Variants in NOMO1 observed in about 807,000 individuals in gnomAD.
NOMO1 encodes the protein nodal modulator 3.
In NOMO1, 40 loss-of-function variants were observed where a neutral mutation model predicts 133.8. The ratio of observed to expected loss-of-function variants is 0.30; its 90% confidence interval spans 0.23 to 0.39. NOMO1 has a LOEUF of 0.39. Ranked by LOEUF, NOMO1 falls within the 10% of genes least tolerant of loss-of-function variation. The pLI is 1.00. For missense variants in NOMO1, 462 were observed against 1,419.9 expected (o/e 0.33, Z 10.84); for synonymous variants, 236 against 570.5 (o/e 0.41, Z 8.36).
intron 1 of NOMO1, among the ~76,000 whole-genome samples, chr16:14,835,200 T>TA (rs1487450463): frequency 1.4e-5 from 2 of 146,480 alleles, no homozygotes; most frequent in African/African-American, 5.1e-5. Context: ...ACCCAGCAGA[T>TA]ACATTTCTTT....
intron 29 of NOMO1, among the ~76,000 whole-genome samples, chr16:14,892,276 A>G (rs956362877): frequency 4.0e-5 from 6 of 151,690 alleles, no homozygotes; most frequent in Non-Finnish European, 7.4e-5. Context: ...AAAGATAAGC[A>G]TATACAAGAA....
At chr16:14,846,487 G>A in intron 4 of NOMO1, 90 bp from the exon 5 acceptor site, 1 of 565,740 alleles carries the variant, frequency 1.8e-6, no homozygotes, top group African/African-American at 2.2e-5. Flanking sequence ...AGGGTTCCTG[G>A]GCTCCACCTG....
At chr16:14,885,155 C>A (rs1964305193) in intron 27 of NOMO1, among the ~76,000 whole-genome samples, 1 of 152,110 alleles carries the variant, frequency 6.6e-6, no homozygotes, top group Non-Finnish European at 1.5e-5. Flanking sequence ...CCCCAAAGAT[C>A]CGATCATCTC....
intron 17 of NOMO1, 96 bp from the exon 18 acceptor site, chr16:14,872,138 G>T (rs1964090064): frequency 1.6e-6 from 2 of 1,271,770 alleles, no homozygotes; most frequent in Non-Finnish European, 2.3e-6. Flanking sequence ...ATTTTCTGTA[G>T]TATATTTAGG....
chr16:14,873,720 G>T (rs370162516), intron 18 of NOMO1, among the ~76,000 whole-genome samples: 1 of 151,814 alleles, frequency 6.6e-6, no homozygotes, highest in Non-Finnish European at 1.5e-5. Flanking sequence ...TCACAAGGGT[G>T]TTTGTGTTGC....
In NOMO1 at chr16:14,850,767, C is replaced by T. The variant is rs1416244842; in HGVS notation, c.583-1663C>T. On this transcript the variant is annotated intron_variant, in intron 6 of 30. Transcript: ENST00000287667. ...GACTTTTGGTTTTGGGGGTTTTTCT[C>T]TTCTGCAGCAACATTTAAAAATATT... is the stretch of plus-strand genomic sequence containing the variant. Among the ~76,000 whole-genome samples the T allele has an allele frequency of 2.0e-5, 3 of 151,964 alleles. No homozygotes were observed. In the East Asian group the frequency reaches 5.8e-4, roughly 29 times the overall value.
At chr16:14,869,059 C>T (rs1964045032) in intron 16 of NOMO1, among the ~76,000 whole-genome samples, 2 of 152,030 alleles carry the variant, frequency 1.3e-5, no homozygotes, top group Non-Finnish European at 2.9e-5. Flanking sequence ...CTGCCTCAGC[C>T]TCTCGAGTAG....
chr16:14,887,165 G>C (rs558708627), intron 28 of NOMO1, among the ~76,000 whole-genome samples: 1 of 152,070 alleles, frequency 6.6e-6, no homozygotes, highest in Non-Finnish European at 1.5e-5. Flanking sequence ...GCACGTGTGC[G>C]CATGCATGTA....
intron 1 of NOMO1, among the ~76,000 whole-genome samples, chr16:14,836,212 C>T (rs1011632434): frequency 6.6e-6 from 1 of 152,016 alleles, no homozygotes; most frequent in Non-Finnish European, 1.5e-5. Flanking sequence ...CAGTCCCTGC[C>T]TTAAATGCAT....
intron 1 of NOMO1, among the ~76,000 whole-genome samples, chr16:14,836,941 A>G (rs1369206521): frequency 6.6e-6 from 1 of 150,818 alleles, no homozygotes; most frequent in Non-Finnish European, 1.5e-5. Flanking sequence ...TCCTGACCTC[A>G]TGATCCACCC....
chr16:14,889,244 C>A (rs111277484), intron 29 of NOMO1, 29 bp downstream of exon 29: 5 of 1,611,474 alleles, frequency 3.1e-6, no homozygotes, highest in East Asian at 2.2e-5. Flanking sequence ...TAAAAAAAAA[C>A]CCATGGGCTG....
chr16:14,876,862 GGGTACAGTGT>G, intron 22 of NOMO1, 72 bp downstream of exon 22: 1 of 1,575,230 alleles, frequency 6.3e-7, no homozygotes, highest in Non-Finnish European at 8.6e-7. Flanking sequence ...TGCACAAAAA[GGGTACAGTGT>G]GGTAGTCTTG....
chr16:14,845,888 C>T (rs904780110), intron 4 of NOMO1, among the ~76,000 whole-genome samples: 25 of 151,588 alleles, frequency 1.6e-4, no homozygotes, highest in African/African-American at 4.8e-4. Flanking sequence ...AGTGCAGTAG[C>T]GCAGTCTCTC....
intron 12 of NOMO1, among the ~76,000 whole-genome samples, chr16:14,863,645 G>A (rs1363119439): frequency 2.6e-5 from 2 of 77,380 alleles, no homozygotes; most frequent in African/African-American, 1.1e-4. Flanking sequence ...ACGGGGAGAC[G>A]GTCTGGCCTG....
intron 22 of NOMO1, 130 bp from the exon 23 acceptor site, chr16:14,878,591 T>A: frequency 1.3e-6 from 1 of 770,722 alleles, no homozygotes; most frequent in Non-Finnish European, 2.1e-6. Flanking sequence ...GAAGATTAGG[T>A]CCCCTGTCCT....
intron 20 of NOMO1, among the ~76,000 whole-genome samples, chr16:14,875,677 C>A (rs2151006443): frequency 6.6e-6 from 1 of 152,072 alleles, no homozygotes; most frequent in East Asian, 1.9e-4. Flanking sequence ...ATAAAAGTAA[C>A]TTTTGCTGTT....
intron 4 of NOMO1, among the ~76,000 whole-genome samples, chr16:14,845,787 T>C (rs1317981958): frequency 6.6e-6 from 1 of 151,482 alleles, no homozygotes; most frequent in African/African-American, 2.4e-5. Context: ...TCTTTATCGA[T>C]GGTTTGCAAA....
At chr16:14,839,496 C>T (rs961061368) in intron 2 of NOMO1, among the ~76,000 whole-genome samples, 4 of 151,932 alleles carry the variant, frequency 2.6e-5, no homozygotes, top group African/African-American at 7.3e-5. Context: ...ACAAACACCT[C>T]TATACAATCC....
At position 14,866,610 on chromosome 16, in the gene NOMO1, G is replaced by A. The variant is rs1567543068; in HGVS notation, c.1725G>A (p.Val575=). Residue 575 remains valine, a synonymous_variant, in exon 15 of 31, where the codon GTG becomes GTA. Coordinates refer to ENST00000287667, the MANE Select transcript of NOMO1 (RefSeq NM_014287.4). ...AGAACAAGAGCCTGGAGGTGGAAGT[G>A]CTGGAGGATGACATGTCTGCAGTTG... ...CWKNKSLEVE[V]LEDDMSAVEF... 6.2e-7 allele frequency: 1 copy of A among 1,609,952 alleles called. No homozygotes were observed. The highest frequency in any genetic ancestry group is 8.5e-7 in the Non-Finnish European group (1 of 1,179,736).
Sources: gnomAD v4.1 joint callset for allele counts (sites outside exome capture counted in the v4.1 genomes callset) on GRCh38, gnomAD v4.1.1 for gene constraint, MANE v1.5 for transcripts, NCBI Gene and HGNC (gene_info 2026-07-23, HGNC 2026-07-21) for gene names.